Variants in BICC1 observed in about 807,000 individuals in gnomAD.
BICC1 encodes BicC family RNA binding protein 1.
A neutral mutation model predicts 111.0 loss-of-function variants in BICC1; 43 were observed. The observed-to-expected ratio is 0.39, with a 90% CI of 0.30 to 0.50. The LOEUF (loss-of-function observed/expected upper bound fraction) is 0.50. BICC1 is among the 20% of genes least tolerant of loss of function. The pLI is 0.88. For synonymous variants in BICC1, 467 were observed against 434.4 expected (o/e 1.07, Z -0.93); for missense variants, 1,091 against 1,203.2 (o/e 0.91, Z 1.38).
intron 2 of BICC1, among the ~76,000 whole-genome samples, chr10:58,687,171 G>A (rs1370912029): frequency 4.6e-5 from 7 of 152,232 alleles, no homozygotes; most frequent in Non-Finnish European, 7.3e-5. Flanking sequence ...TATCACCAGC[G>A]GAGCTGCAGA....
intron 2 of BICC1, among the ~76,000 whole-genome samples, chr10:58,638,219 G>T (rs969242902): frequency 1.3e-5 from 2 of 151,792 alleles, no homozygotes; most frequent in Non-Finnish European, 2.9e-5. Flanking sequence ...GAAATTGAGG[G>T]TTCATGTAGA....
chr10:58,646,083 A>G (rs1838261630), intron 2 of BICC1, among the ~76,000 whole-genome samples: 2 of 150,722 alleles, frequency 1.3e-5, no homozygotes, highest in South Asian at 4.2e-4. Context: ...TTTTTTCCTG[A>G]AGAACTGTTT....
intron 1 of BICC1, among the ~76,000 whole-genome samples, chr10:58,532,259 A>G (rs1282875380): frequency 6.6e-6 from 1 of 151,686 alleles, no homozygotes; most frequent in Admixed American, 6.6e-5. Context: ...GAATGAGATT[A>G]TATGAGGGAT....
chr10:58,767,715 G>A (rs1462609701), intron 3 of BICC1, among the ~76,000 whole-genome samples: 1 of 151,994 alleles, frequency 6.6e-6, no homozygotes, highest in African/African-American at 2.4e-5. Context: ...ATAAAACTCG[G>A]TGTAATCAGG....
intron 2 of BICC1, 51 bp downstream of exon 2, chr10:58,620,952 TATCTC>T (rs750928482): frequency 6.5e-7 from 1 of 1,528,548 alleles, no homozygotes; most frequent in Non-Finnish European, 9.0e-7. Flanking sequence ...GAAATATACT[TATCTC>T]AACAGCTACC....
At chr10:58,754,528 G>A (rs1046134909) in intron 3 of BICC1, among the ~76,000 whole-genome samples, 4 of 152,344 alleles carry the variant, frequency 2.6e-5, no homozygotes, top group South Asian at 4.1e-4. Flanking sequence ...ATGGAGAAAA[G>A]TCTAAAGTCT....
At chr10:58,699,411 T>A (rs1406559276) in intron 2 of BICC1, among the ~76,000 whole-genome samples, 1 of 152,246 alleles carries the variant, frequency 6.6e-6, no homozygotes, top group Non-Finnish European at 1.5e-5. Context: ...TCTGGCATAT[T>A]ATTTTCTGTC....
chr10:58,745,626 A>G (rs1227047313), intron 3 of BICC1, among the ~76,000 whole-genome samples: 1 of 104,278 alleles, frequency 9.6e-6, no homozygotes, highest in Non-Finnish European at 1.7e-5. Flanking sequence ...TTTTTTTCTG[A>G]TGGCTCCATT....
intron 3 of BICC1, among the ~76,000 whole-genome samples, chr10:58,744,484 A>G (rs1402870172): frequency 6.6e-6 from 1 of 152,162 alleles, no homozygotes; most frequent in East Asian, 1.9e-4. Context: ...TTAAAAAATT[A>G]GAATGAGGTG....
rs1842144293 is a variant in BICC1, at chr10:58,513,252, G to A, written c.109G>A (p.Ala37Thr). Residue 37 changes from alanine (A) to threonine (T), a missense_variant, in exon 1 of 21, where the codon GCC becomes ACC. Ala to Thr is a moderately conservative substitution (Grantham distance 58, BLOSUM62 0). Around this residue, in one of 3 missense-constraint regions of BICC1, gnomAD observed 843 missense variants for 900.8 expected, o/e 0.94. Coordinates refer to ENST00000373886, the MANE Select transcript of BICC1 (RefSeq NM_001080512.3). ...PVPGSEDDLV[A>T]GATLHSPEWS... ...GCCCGGCTCCGAGGACGACTTGGTCGCCGGGGCGACCCTGCACAGCCCGGA... is the reference window on the plus strand; with the variant it reads ...GCCCGGCTCCGAGGACGACTTGGTCACCGGGGCGACCCTGCACAGCCCGGA... 2 of 1,613,008 alleles carry A rather than the reference G, an allele frequency of 1.2e-6. No homozygotes were observed. Among genetic ancestry groups the A allele is most frequent in the Non-Finnish European group, 8.5e-7 (1 of 1,179,616 alleles).
At chr10:58,799,997 C>G (rs902031512) in intron 12 of BICC1, among the ~76,000 whole-genome samples, 197 bp from the exon 13 acceptor site, 2 of 151,926 alleles carry the variant, frequency 1.3e-5, no homozygotes, top group African/African-American at 2.4e-5. Flanking sequence ...GGATGTTTTT[C>G]CATTTGTTTG....
At chr10:58,540,478 A>T (rs1842934884) in intron 1 of BICC1, among the ~76,000 whole-genome samples, 1 of 152,036 alleles carries the variant, frequency 6.6e-6, no homozygotes. Flanking sequence ...ATAATAGAGT[A>T]CTATGAACAA....
chr10:58,673,284 A>C (rs1034504371), intron 2 of BICC1, among the ~76,000 whole-genome samples: 9 of 152,230 alleles, frequency 5.9e-5, no homozygotes, highest in African/African-American at 2.2e-4. Flanking sequence ...TGCTGTACCA[A>C]ATTCAATAGG....
intron 3 of BICC1, among the ~76,000 whole-genome samples, chr10:58,722,291 C>G (rs1840963335): frequency 6.6e-6 from 1 of 152,202 alleles, no homozygotes; most frequent in Non-Finnish European, 1.5e-5. Context: ...AAATGAAGCC[C>G]TGGCTTTCCT....
At chr10:58,644,718 CAGGA>C (rs1474243693) in intron 2 of BICC1, among the ~76,000 whole-genome samples, 11 of 152,000 alleles carry the variant, frequency 7.2e-5, no homozygotes, top group African/African-American at 2.7e-4. Context: ...CCAACGTTGT[CAGGA>C]AGGGCAAGCT....
chr10:58,653,057 T>C (rs542646613), intron 2 of BICC1, among the ~76,000 whole-genome samples: 5 of 152,154 alleles, frequency 3.3e-5, no homozygotes, highest in African/African-American at 9.7e-5. Flanking sequence ...AACAAATTAG[T>C]ACAAAGTTAT....
chr10:58,623,949 T>C (rs1351411011), intron 2 of BICC1, among the ~76,000 whole-genome samples: 1 of 151,978 alleles, frequency 6.6e-6, no homozygotes, highest in Non-Finnish European at 1.5e-5. Context: ...ACAAATGAGA[T>C]TGTTAGGGAA....
At chr10:58,770,639 A>G (rs1589122739) in intron 3 of BICC1, among the ~76,000 whole-genome samples, 1 of 152,328 alleles carries the variant, frequency 6.6e-6, no homozygotes, top group East Asian at 1.9e-4. Context: ...ACATTTTATT[A>G]TAATTTATAC....
At chr10:58,600,182 G>A (rs113464955) in intron 1 of BICC1, among the ~76,000 whole-genome samples, 1 of 152,106 alleles carries the variant, frequency 6.6e-6, no homozygotes, top group Non-Finnish European at 1.5e-5. Flanking sequence ...TGAGACATCA[G>A]CTCCCAGCCC....
Sources: allele counts gnomAD v4.1 joint callset (sites outside exome capture counted in the v4.1 genomes callset), GRCh38; gene constraint gnomAD v4.1.1; regional missense constraint gnomAD v4.1.1; transcripts MANE v1.5; gene names NCBI Gene and HGNC (gene_info 2026-07-23, HGNC 2026-07-21).